SUZ12: variants seen among roughly 807,000 people sequenced by gnomAD.
SUZ12 encodes the protein polycomb protein SUZ12.
Under a neutral mutation model 87.3 loss-of-function variants are expected in SUZ12, and 17 were observed. The observed-to-expected ratio is 0.19, with a 90% CI of 0.13 to 0.29. The LOEUF (loss-of-function observed/expected upper bound fraction) is 0.29. SUZ12 is among the 10% of genes least tolerant of loss of function. The pLI, the probability that SUZ12 is intolerant of heterozygous loss-of-function variation, is 1.00. For synonymous variants in SUZ12, 253 were observed against 312.4 expected, an observed-to-expected ratio of 0.81 and a Z score of 2.01; for missense variants, 526 against 912.2, an observed-to-expected ratio of 0.58 and a Z score of 5.45.
intron 5 of SUZ12, among the ~76,000 whole-genome samples, chr17:31,971,312 A>G (rs987625945): frequency 2.0e-5 from 3 of 151,904 alleles, no homozygotes; most frequent in African/African-American, 7.3e-5. Context: ...TGAAACATGT[A>G]TAATGGTAAC....
At position 31,983,484 on chromosome 17, in the gene SUZ12, G is replaced by A. The variant is rs745487536; in HGVS notation, c.1023+380G>A. 9.9e-5 allele frequency among the ~76,000 whole-genome samples: 15 copies of A among 152,014 alleles called. 1 individual carries two copies. Among genetic ancestry groups the A allele is most frequent in the Admixed American group, 3.9e-4 (6 of 15,250 alleles). On this transcript the variant is annotated intron_variant, in intron 9 of 15. Coordinates refer to ENST00000322652, the MANE Select transcript of SUZ12 (RefSeq NM_015355.4). The stretch of plus-strand genomic sequence containing the variant: ...TTCAGTAGAGACGGGGTTTGACCAT[G>A]TTGGCCAGGCTAGTCTGGAACTCCT...
chr17:31,967,268 T>C (rs1285854691), intron 5 of SUZ12: 1 of 151,996 alleles, frequency 6.6e-6, no homozygotes, highest in African/African-American at 2.4e-5. Context: ...GGCATATCTT[T>C]TTATTATGCA....
intron 4 of SUZ12, among the ~76,000 whole-genome samples, chr17:31,954,946 A>G (rs1907218782): frequency 1.3e-5 from 2 of 152,168 alleles, no homozygotes; most frequent in African/African-American, 4.8e-5. Flanking sequence ...AAGGTAATTT[A>G]AGGATGTTGG....
chr17:31,968,280 T>C (rs2142165448), intron 5 of SUZ12, among the ~76,000 whole-genome samples: 1 of 152,218 alleles, frequency 6.6e-6, no homozygotes, highest in East Asian at 1.9e-4. Flanking sequence ...AGGGTCTTGC[T>C]CGTGTCACCC....
intron 4 of SUZ12, among the ~76,000 whole-genome samples, chr17:31,964,626 C>T (rs1262918154): frequency 2.0e-5 from 3 of 151,994 alleles, no homozygotes; most frequent in South Asian, 2.1e-4. Context: ...AGGCTGGTCT[C>T]GAACTCCTGA....
chr17:31,994,140 C>A, intron 12 of SUZ12, 132 bp downstream of exon 12: 1 of 812,836 alleles, frequency 1.2e-6, no homozygotes, highest in African/African-American at 1.7e-5. Flanking sequence ...TACAAGATAG[C>A]ATGACTTTCA....
chr17:31,950,478 A>T (rs1955343502), intron 4 of SUZ12, among the ~76,000 whole-genome samples: 1 of 152,054 alleles, frequency 6.6e-6, no homozygotes, highest in South Asian at 2.1e-4. Flanking sequence ...GAGGCTAGGA[A>T]TTTGAGACTG....
Position 31,941,119 on chromosome 17 carries a change from T to G in SUZ12, c.386+633T>G, listed in dbSNP as rs1393545207. 2.0e-5 allele frequency among the ~76,000 whole-genome samples: 3 copies of G among 152,078 alleles called. No individual in the cohort carries two copies. The South Asian group carries it at 6.2e-4, about 32-fold the overall frequency. Reference sequence around the variant, plus strand: ...TATTTCTCTTTTTTTGTTTGTTTGTTTTTTTTTGAGACAGAGTGTCTGTCC... The same window carrying G: ...TATTTCTCTTTTTTTGTTTGTTTGTGTTTTTTTGAGACAGAGTGTCTGTCC... On this transcript the variant is annotated intron_variant, in intron 3 of 15. Transcript: ENST00000322652.
intron 4 of SUZ12, among the ~76,000 whole-genome samples, chr17:31,958,067 TAA>T (rs1907469812): frequency 6.6e-6 from 1 of 151,804 alleles, no homozygotes; most frequent in South Asian, 2.1e-4. Flanking sequence ...CACGCCCGGC[TAA>T]TTTTTTTGTA....
rs1906000373 is a variant in SUZ12 at position 31,937,405 on chromosome 17, G to C, written c.159G>C (p.Ser53=). The part of the protein sequence containing the change: ...GGSCGGGGSY[S]ASSSSSAAAA... Reference sequence around the variant, plus strand: ...GCTGTGGAGGGGGTGGCAGTTACTCGGCCTCCTCCTCCTCCTCCGCGGCGG... The same window carrying C: ...GCTGTGGAGGGGGTGGCAGTTACTCCGCCTCCTCCTCCTCCTCCGCGGCGG... Residue 53 remains serine, a synonymous_variant, in exon 1 of 16, where the codon TCG becomes TCC. Transcript: ENST00000322652. The C allele has an allele frequency of 6.5e-7, 1 of 1,539,338 alleles. No individual in the cohort carries two copies. Among genetic ancestry groups the C allele is most frequent in the Non-Finnish European group, 8.7e-7 (1 of 1,143,620 alleles).
intron 4 of SUZ12, among the ~76,000 whole-genome samples, chr17:31,950,982 G>C (rs1217855242): frequency 6.6e-6 from 1 of 151,876 alleles, no homozygotes; most frequent in Admixed American, 6.6e-5. Context: ...GGGTTTCACC[G>C]TGTTAGCCAG....
intron 8 of SUZ12, among the ~76,000 whole-genome samples, chr17:31,978,141 T>TATA (rs769980426): frequency 6.6e-6 from 1 of 152,178 alleles, no homozygotes; most frequent in Non-Finnish European, 1.5e-5. Context: ...AACAGTTTAT[T>TATA]GTCAGGTATA....
chr17:31,994,529 CTT>C, intron 12 of SUZ12, 33 bp from the exon 13 acceptor site: 1 of 1,529,116 alleles, frequency 6.5e-7, no homozygotes, highest in Non-Finnish European at 8.8e-7. Context: ...GGATAGGATA[CTT>C]AATATATTTT....
chr17:31,951,397 C>T (rs1296157538), intron 4 of SUZ12, among the ~76,000 whole-genome samples: 2 of 152,032 alleles, frequency 1.3e-5, no homozygotes, highest in Non-Finnish European at 2.9e-5. Context: ...ATATTTTAGA[C>T]CTACAGTTGT....
In SUZ12 at chr17:31,970,555, G is replaced by A. The variant is rs138042190; in HGVS notation, c.506-2591G>A. Among the ~76,000 whole-genome samples the A allele has an allele frequency of 4.3e-3, 652 of 152,142 alleles. 10 individuals carry two copies. Among genetic ancestry groups the A allele is most frequent in the African/African-American group, 0.014 (579 of 41,498 alleles). On this transcript the variant is annotated intron_variant, in intron 5 of 15. Transcript: ENST00000322652. ...AATCATGAGAATTGCTTGAACCTGG[G>A]AGGTGCAGGCTGCAGGGAGCCGAGA...
chr17:31,971,835 G>T (rs570417869), intron 5 of SUZ12, among the ~76,000 whole-genome samples: 1 of 152,114 alleles, frequency 6.6e-6, no homozygotes, highest in African/African-American at 2.4e-5. Flanking sequence ...AAATCTTCAA[G>T]CCGGCCCAGT....
chr17:31,939,166 T>C (rs904830949), intron 1 of SUZ12, among the ~76,000 whole-genome samples: 10 of 152,334 alleles, frequency 6.6e-5, no homozygotes, highest in Non-Finnish European at 1.3e-4. Context: ...GTAAAAAATG[T>C]ATTGAGGTAA....
At chr17:31,972,212 G>A (rs1310915477) in intron 5 of SUZ12, among the ~76,000 whole-genome samples, 1 of 151,964 alleles carries the variant, frequency 6.6e-6, no homozygotes. Context: ...TTTAACCCGG[G>A]AGGCAGAAGT....
intron 3 of SUZ12, among the ~76,000 whole-genome samples, chr17:31,941,057 G>T (rs868052212): frequency 4.6e-5 from 7 of 151,666 alleles, no homozygotes; most frequent in African/African-American, 1.7e-4. Context: ...TGAATAAAGT[G>T]ATTTTACTGA....
Sources: allele counts gnomAD v4.1 joint callset (sites outside exome capture counted in the v4.1 genomes callset), GRCh38; gene constraint gnomAD v4.1.1; transcripts MANE v1.5; gene names NCBI Gene and HGNC (gene_info 2026-07-23, HGNC 2026-07-21).